The following LIPG variants were observed in gnomAD, a reference collection of about 807,000 sequenced individuals.
LIPG encodes the protein endothelial lipase.
LIPG carries 34 observed loss-of-function variants against 51.8 expected under a neutral mutation model. The observed-to-expected ratio is 0.66, with a 90% CI of 0.50 to 0.87. The LOEUF (loss-of-function observed/expected upper bound fraction) is 0.87, where lower values mean the gene tolerates loss of function less well. Among genes scored for constraint, LIPG ranks in the 40% least tolerant of loss-of-function variants. The pLI, the probability that LIPG is intolerant of heterozygous loss-of-function variation, is 0.00. For missense variants in LIPG, 580 were observed against 652.7 expected, an observed-to-expected ratio of 0.89 and a Z score of 1.21; for synonymous variants, 246 against 246.1, an observed-to-expected ratio of 1.00 and a Z score of 0.00.
Position 49,579,239 on chromosome 18 carries a change from C to T in LIPG, c.794-2176C>T, listed in dbSNP as rs138828919. Among the ~76,000 whole-genome samples the T allele has an allele frequency of 4.7e-3, 592 of 125,674 alleles. 8 individuals carry two copies. The highest frequency in any genetic ancestry group is 0.017 in the African/African-American group (567 of 33,074). 82.4% of individuals were successfully genotyped at this position (125,674 alleles called of 152,430 possible). A position where few individuals can be genotyped will look rare whatever the true frequency, so the allele number is the denominator to read the frequency against. Reference sequence around the variant, plus strand: ...GAGAGGGAGAGGGAGAGGGAGAGGGCTCACCGGATACACTCTATTTTAATT... The same window carrying T: ...GAGAGGGAGAGGGAGAGGGAGAGGGTTCACCGGATACACTCTATTTTAATT... On this transcript the variant is annotated intron_variant, in intron 5 of 9. Transcript: ENST00000261292.
chr18:49,578,936 G>T (rs1173344031), intron 5 of LIPG, among the ~76,000 whole-genome samples: 1 of 143,262 alleles, frequency 7.0e-6, no homozygotes, highest in Non-Finnish European at 1.5e-5. Flanking sequence ...CAGGCAGGGA[G>T]GTTGCAGTGA....
chr18:49,562,420 T>G lies in LIPG; in HGVS notation c.97+15T>G. 1 of 1,607,872 alleles carries G rather than the reference T, an allele frequency of 6.2e-7. No homozygotes were observed. Among genetic ancestry groups the G allele is most frequent in the Non-Finnish European group, 8.5e-7 (1 of 1,174,396 alleles). ...ACGGCTGGAAGGTAACGTGAATTTG[T>G]TTTTATTCCCCCCAGCCACTTCTCT... is the stretch of plus-strand genomic sequence containing the variant. On this transcript the variant is annotated intron_variant, in intron 1 of 9. Transcript: ENST00000261292.
intron 5 of LIPG, among the ~76,000 whole-genome samples, chr18:49,580,757 A>G (rs1490070788): frequency 6.6e-6 from 1 of 152,212 alleles, no homozygotes; most frequent in Non-Finnish European, 1.5e-5. Context: ...CTGTGGCTGT[A>G]TAGCCCTATT....
rs2084959054 is a variant in LIPG at position 49,592,845 on chromosome 18, G to A, written c.*2323G>A. 6.6e-6 allele frequency: 1 copy of A among 150,864 alleles called. No homozygotes were observed. Among genetic ancestry groups the A allele is most frequent in the Non-Finnish European group, 1.5e-5 (1 of 67,886 alleles). 9.3% of individuals were successfully genotyped at this position (150,864 alleles called of 1,614,324 possible). A position where few individuals can be genotyped will look rare whatever the true frequency, so the allele number is the denominator to read the frequency against. On this transcript the variant is annotated 3_prime_UTR_variant, in exon 10 of 10. Coordinates refer to ENST00000261292, the MANE Select transcript of LIPG (RefSeq NM_006033.4). ...AAAATATGGTTAGTGTTTACCTAAG[G>A]TTAACCAATTTCAAGATTAAAATTT... is the stretch of plus-strand genomic sequence containing the variant.
chr18:49,575,674 C>T (rs2084708590), intron 5 of LIPG, 84 bp downstream of exon 5: 4 of 1,071,160 alleles, frequency 3.7e-6, no homozygotes, highest in South Asian at 2.7e-5. Context: ...GCACTGCAGG[C>T]ACTATTTATT....
At position 49,562,515 on chromosome 18, in the gene LIPG, C is replaced by T. The variant is rs1335209841; in HGVS notation, c.97+110C>T. The stretch of plus-strand genomic sequence containing the variant: ...TTCCTATGAAATTCTTCCTTTCCCA[C>T]TGCGCTGCCCATTCTCTCCTCCAAT... On this transcript the variant is annotated intron_variant, in intron 1 of 9. Coordinates refer to ENST00000261292, the MANE Select transcript of LIPG (RefSeq NM_006033.4). 7.2e-6 allele frequency: 7 copies of T among 972,924 alleles called. No homozygotes were observed. In the South Asian group the frequency reaches 8.2e-5, roughly 11 times the overall value. 60.3% of individuals were successfully genotyped at this position (972,924 alleles called of 1,614,324 possible).
At chr18:49,561,893 G>C (rs754618615), upstream of LIPG, 2 of 1,285,290 alleles carry the variant, frequency 1.6e-6, no homozygotes, top group East Asian at 5.8e-5. Context: ...TCCACGCGGT[G>C]AGTGTGCAGC....
rs1378099363 is a variant in LIPG, at chr18:49,592,556, G to A, written c.*2034G>A. 1 of 154,178 alleles carries A rather than the reference G, an allele frequency of 6.5e-6. No homozygotes were observed. The highest frequency in any genetic ancestry group is 2.4e-5 in the African/African-American group (1 of 41,468). The allele number at this position is 154,178 out of a possible 1,614,324, so 9.6% of individuals were successfully genotyped here. ...TATGTGAGGGGTTTTCCCATTTTTT[G>A]TCTTGTTGGTGCTCAAAAAGTTTTG... On this transcript the variant is annotated 3_prime_UTR_variant, in exon 10 of 10. Coordinates refer to ENST00000261292, the MANE Select transcript of LIPG (RefSeq NM_006033.4).
intron 8 of LIPG, among the ~76,000 whole-genome samples, chr18:49,585,887 A>G (rs1252334731): frequency 6.6e-6 from 1 of 152,036 alleles, no homozygotes; most frequent in Admixed American, 6.5e-5. Flanking sequence ...TTGAATTTGC[A>G]TTTCCTGATT....
In LIPG at chr18:49,591,723, CACTT is replaced by C. The variant is rs767048839; in HGVS notation, c.*1204_*1207del. The C allele has an allele frequency of 1.3e-5, 2 of 152,176 alleles. No individual in the cohort carries two copies. The highest frequency in any genetic ancestry group is 2.4e-5 in the African/African-American group (1 of 41,438). The allele number at this position is 152,176 out of a possible 1,614,324, so 9.4% of individuals were successfully genotyped here. A position where few individuals can be genotyped will look rare whatever the true frequency, so the allele number is the denominator to read the frequency against. ...GAATTAATACACACAATATCTGAGACACTTACACTTTTCAAAAGATTTGTGTATG... is the reference window on the plus strand; with the variant it reads ...GAATTAATACACACAATATCTGAGACACACTTTTCAAAAGATTTGTGTATG... On this transcript the variant is annotated 3_prime_UTR_variant, in exon 10 of 10. Transcript: ENST00000261292.
intron 2 of LIPG, among the ~76,000 whole-genome samples, chr18:49,566,423 C>A (rs2084607509): frequency 6.6e-6 from 1 of 152,122 alleles, no homozygotes; most frequent in African/African-American, 2.4e-5. Flanking sequence ...CCAGAAAGTT[C>A]TTTTGTAATC....
At chr18:49,572,862 T>G (rs986914560) in intron 4 of LIPG, among the ~76,000 whole-genome samples, 1 of 152,190 alleles carries the variant, frequency 6.6e-6, no homozygotes, top group Non-Finnish European at 1.5e-5. Context: ...AAAGCAACTT[T>G]GGAGGAGTCT....
At position 49,578,352 on chromosome 18, in the gene LIPG, G is replaced by A. The variant is rs1382129294; in HGVS notation, c.793+2762G>A. Among the ~76,000 whole-genome samples, 218 of 131,852 alleles carry A rather than the reference G, an allele frequency of 1.7e-3. 2 individuals are homozygous for A. Among genetic ancestry groups the A allele is most frequent in the Non-Finnish European group, 8.1e-4 (50 of 61,770 alleles). 86.5% of individuals were successfully genotyped at this position (131,852 alleles called of 152,430 possible). Reference sequence around the variant, plus strand: ...CTCCTCACCTCCCAGACGGGGTCTCGGCCGGGCAGAGGCGCTCCTCACATC... The same window carrying A: ...CTCCTCACCTCCCAGACGGGGTCTCAGCCGGGCAGAGGCGCTCCTCACATC... On this transcript the variant is annotated intron_variant, in intron 5 of 9. Transcript: ENST00000261292.
chr18:49,569,289 C>G lies in LIPG; in HGVS notation c.460-148C>G. 4.1e-6 allele frequency: 3 copies of G among 740,576 alleles called. No individual in the cohort carries two copies. The South Asian group carries it at 4.5e-5, about 11-fold the overall frequency. 45.9% of individuals were successfully genotyped at this position (740,576 alleles called of 1,614,324 possible). ...GCTGTGACCCACACATGTAGCATCA[C>G]CAGCAAAGCCAGTGGGGCCCTGGGG... On this transcript the variant is annotated intron_variant, in intron 3 of 9. Coordinates refer to ENST00000261292, the MANE Select transcript of LIPG (RefSeq NM_006033.4).
chr18:49,576,385 TTTC>T (rs1352281307), intron 5 of LIPG, among the ~76,000 whole-genome samples: 1 of 151,476 alleles, frequency 6.6e-6, no homozygotes, highest in Non-Finnish European at 1.5e-5. Context: ...TTTTTTCAAC[TTTC>T]TTTTTTTTCC....
intron 4 of LIPG, among the ~76,000 whole-genome samples, chr18:49,575,011 C>A (rs2148850455): frequency 6.6e-6 from 1 of 152,332 alleles, no homozygotes; most frequent in African/African-American, 2.4e-5. Context: ...TAGTTTCAGG[C>A]AGTCTGAGTT....
intron 4 of LIPG, among the ~76,000 whole-genome samples, chr18:49,574,616 T>C (rs2084696651): frequency 6.6e-6 from 1 of 152,210 alleles, no homozygotes; most frequent in Admixed American, 6.5e-5. Context: ...TCCTTCCAGA[T>C]TTTTTTGTAG....
intron 2 of LIPG, among the ~76,000 whole-genome samples, chr18:49,565,794 A>AC (rs2084599643): frequency 6.6e-6 from 1 of 152,216 alleles, no homozygotes. Flanking sequence ...ACACTTAATT[A>AC]CGCTGGTCAA....
At chr18:49,579,764 C>CTTTCTTTTCTTTTCTTTTCTTTTTTCT in intron 5 of LIPG, among the ~76,000 whole-genome samples, 1 of 112,204 alleles carries the variant, frequency 8.9e-6, no homozygotes, top group East Asian at 2.4e-4. Context: ...CTTTCCTTTC[C>CTTTCTTTTCTTTTCTTTTCTTTTTTCT]TTTCTTTTCT....
Sources: allele counts gnomAD v4.1 joint callset (sites outside exome capture counted in the v4.1 genomes callset), GRCh38; gene constraint gnomAD v4.1.1; transcripts MANE v1.5; gene names NCBI Gene and HGNC (gene_info 2026-07-23, HGNC 2026-07-21).